The following KLHL29 variants were observed in gnomAD, a reference collection of about 807,000 sequenced individuals.
The protein encoded by KLHL29 is kelch like family member 29, also known as kelch-like protein 29.
In KLHL29, 21 loss-of-function variants were observed where a neutral mutation model predicts 80.4. That is an observed-to-expected ratio of 0.26 (90% CI 0.19 to 0.38). KLHL29 has a LOEUF of 0.38. KLHL29 is among the 10% of genes least tolerant of loss of function. The probability of loss-of-function intolerance (pLI) is 1.00; values close to 1 mark genes in which losing one functional copy is unlikely to be tolerated. For synonymous variants in KLHL29, 511 were observed against 526.8 expected, an observed-to-expected ratio of 0.97 and a Z score of 0.41; for missense variants, 867 against 1,223.9, an observed-to-expected ratio of 0.71 and a Z score of 4.35.
chr2:23,409,183 G>A (rs1010610259), intron 1 of KLHL29, among the ~76,000 whole-genome samples: 2 of 152,090 alleles, frequency 1.3e-5, no homozygotes, highest in Non-Finnish European at 2.9e-5. Flanking sequence ...CTTTCCATTC[G>A]CAGCACAAAG....
At chr2:23,642,877 C>T (rs1412296575) in intron 5 of KLHL29, 27 bp downstream of exon 5, 5 of 1,549,972 alleles carry the variant, frequency 3.2e-6, no homozygotes, top group Non-Finnish European at 4.4e-6. Context: ...CGTGCCTCCC[C>T]ACGGGCCTGC....
chr2:23,658,797 C>T (rs1222688983), intron 5 of KLHL29, among the ~76,000 whole-genome samples: 1 of 152,186 alleles, frequency 6.6e-6, no homozygotes, highest in African/African-American at 2.4e-5. Flanking sequence ...AAGCCACAGC[C>T]TCACTGCCTT....
chr2:23,597,409 T>A (rs7607518), intron 3 of KLHL29, among the ~76,000 whole-genome samples: 54 of 18,114 alleles, frequency 3.0e-3, no homozygotes, highest in East Asian at 0.013. Context: ...ATATATATAT[T>A]TTTTTTTTTT....
intron 1 of KLHL29, among the ~76,000 whole-genome samples, chr2:23,407,708 A>AT (rs1216346481): frequency 6.6e-6 from 1 of 151,622 alleles, no homozygotes; most frequent in Non-Finnish European, 1.5e-5. Context: ...GCGCAGTTGC[A>AT]TTTTCTTCTA....
At chr2:23,522,253 C>T (rs1031795747) in intron 2 of KLHL29, among the ~76,000 whole-genome samples, 4 of 152,022 alleles carry the variant, frequency 2.6e-5, no homozygotes, top group African/African-American at 7.2e-5. Flanking sequence ...CAGGTTCAAG[C>T]AATTCTCCCA....
At chr2:23,547,143 G>C (rs529395067) in intron 2 of KLHL29, among the ~76,000 whole-genome samples, 1 of 152,170 alleles carries the variant, frequency 6.6e-6, no homozygotes, top group African/African-American at 2.4e-5. Flanking sequence ...GTCTCTGCCC[G>C]TTTACATCAC....
At chr2:23,487,463 C>G (rs754617249) in intron 2 of KLHL29, among the ~76,000 whole-genome samples, 1 of 152,184 alleles carries the variant, frequency 6.6e-6, no homozygotes, top group Middle Eastern at 3.2e-3. Context: ...GTACTCCGTC[C>G]TGGGGAAGAA....
intron 3 of KLHL29, among the ~76,000 whole-genome samples, chr2:23,603,370 C>T (rs940229750): frequency 9.9e-5 from 15 of 152,222 alleles, no homozygotes; most frequent in African/African-American, 3.4e-4. Context: ...ACAGCGGCGG[C>T]AGTCAGGGCT....
At chr2:23,392,117 C>A (rs1026408813) in intron 1 of KLHL29, among the ~76,000 whole-genome samples, 1 of 152,196 alleles carries the variant, frequency 6.6e-6, no homozygotes, top group Non-Finnish European at 1.5e-5. Flanking sequence ...AAACAGATAA[C>A]CTCCATAAAC....
intron 3 of KLHL29, among the ~76,000 whole-genome samples, chr2:23,610,519 G>A (rs150738773): frequency 1.3e-4 from 20 of 152,278 alleles, no homozygotes; most frequent in African/African-American, 3.6e-4. Flanking sequence ...CCTCAGTTCC[G>A]CACTTCCCCA....
At chr2:23,422,735 C>T (rs574860718) in intron 1 of KLHL29, among the ~76,000 whole-genome samples, 1 of 145,192 alleles carries the variant, frequency 6.9e-6, no homozygotes, top group African/African-American at 2.6e-5. Flanking sequence ...CGGGCAGTGC[C>T]CGTGTGTGTC....
intron 3 of KLHL29, among the ~76,000 whole-genome samples, chr2:23,629,176 T>C (rs1669406661): frequency 6.6e-6 from 1 of 152,110 alleles, no homozygotes; most frequent in Non-Finnish European, 1.5e-5. Flanking sequence ...GGCCCCGCTC[T>C]GTGAGAGGTG....
intron 5 of KLHL29, among the ~76,000 whole-genome samples, chr2:23,657,363 A>T (rs903943253): frequency 6.6e-6 from 1 of 152,114 alleles, no homozygotes; most frequent in Admixed American, 6.5e-5. Context: ...TCACTTCTTT[A>T]CTGTTCTTAT....
At chr2:23,616,992 C>T (rs977507816) in intron 3 of KLHL29, 7 of 152,216 alleles carry the variant, frequency 4.6e-5, no homozygotes, top group Admixed American at 4.6e-4. Context: ...TTGCCCAGCC[C>T]GGTTTGAGTT....
chr2:23,594,305 A>G (rs1668342599), intron 3 of KLHL29, among the ~76,000 whole-genome samples: 2 of 152,038 alleles, frequency 1.3e-5, no homozygotes, highest in Non-Finnish European at 2.9e-5. Context: ...TCTGGAACCA[A>G]TTCGCGTTTT....
At chr2:23,634,580 T>G (rs1669559188) in intron 3 of KLHL29, among the ~76,000 whole-genome samples, 1 of 152,050 alleles carries the variant, frequency 6.6e-6, no homozygotes, top group Non-Finnish European at 1.5e-5. Flanking sequence ...TCCCCCAGGT[T>G]CCCCCAGCTC....
At chr2:23,508,446 G>A (rs2103460096) in intron 2 of KLHL29, among the ~76,000 whole-genome samples, 1 of 152,354 alleles carries the variant, frequency 6.6e-6, no homozygotes, top group South Asian at 2.1e-4. Context: ...GGGCCATGAG[G>A]AGGGGTCCCA....
chr2:23,549,731 C>T (rs1667073913), intron 2 of KLHL29, among the ~76,000 whole-genome samples: 1 of 152,172 alleles, frequency 6.6e-6, no homozygotes, highest in South Asian at 2.1e-4. Context: ...CTCCAGTGGG[C>T]AGTGTGAACC....
intron 1 of KLHL29, among the ~76,000 whole-genome samples, chr2:23,461,361 C>T (rs1190698107): frequency 1.3e-5 from 2 of 152,202 alleles, no homozygotes; most frequent in East Asian, 1.9e-4. Flanking sequence ...AGCTCTGGGA[C>T]TAGATTTGAG....
Sources: allele counts gnomAD v4.1 joint callset (sites outside exome capture counted in the v4.1 genomes callset), GRCh38; gene constraint gnomAD v4.1.1; transcripts MANE v1.5; gene names NCBI Gene and HGNC (gene_info 2026-07-23, HGNC 2026-07-21).